Variants in TRPM6 observed in about 807,000 individuals in gnomAD.
TRPM6 encodes channel kinase 2.
A neutral mutation model predicts 247.6 loss-of-function variants in TRPM6; 111 were observed. That is an observed-to-expected ratio of 0.45 (90% confidence interval 0.38 to 0.52). TRPM6 has a LOEUF of 0.52. TRPM6 is among the 20% of genes least tolerant of loss of function. TRPM6 has a pLI of 0.00. For synonymous variants in TRPM6, 892 were observed against 853.8 expected (o/e 1.04, Z -0.78); for missense variants, 2,126 against 2,421.5 (o/e 0.88, Z 2.56).
intron 30 of TRPM6, among the ~76,000 whole-genome samples, chr9:74,750,319 G>A (rs868236592): frequency 2.3e-4 from 35 of 152,194 alleles, no homozygotes; most frequent in African/African-American, 7.7e-4. Flanking sequence ...AAGCAAGACA[G>A]ACTGATTTCT....
At chr9:74,764,070 G>A (rs1826744802) in intron 25 of TRPM6, among the ~76,000 whole-genome samples, 1 of 149,068 alleles carries the variant, frequency 6.7e-6, no homozygotes, top group Non-Finnish European at 1.5e-5. Context: ...GTTGCAGTGA[G>A]CCAAGATCAC....
intron 11 of TRPM6, among the ~76,000 whole-genome samples, 197 bp from the exon 12 acceptor site, chr9:74,812,630 C>T (rs1439718525): frequency 6.6e-6 from 1 of 151,806 alleles, no homozygotes; most frequent in Non-Finnish European, 1.5e-5. Flanking sequence ...TGGCGCACAC[C>T]TGTAATCCTA....
At chr9:74,846,972 C>T (rs1158467766) in intron 3 of TRPM6, among the ~76,000 whole-genome samples, 1 of 152,150 alleles carries the variant, frequency 6.6e-6, no homozygotes, top group African/African-American at 2.4e-5. Context: ...AGTCTACAAA[C>T]CACACATGGC....
At chr9:74,788,021 T>A (rs112548887) in intron 20 of TRPM6, among the ~76,000 whole-genome samples, 206 of 147,556 alleles carry the variant, frequency 1.4e-3, no homozygotes, top group Middle Eastern at 3.5e-3. Flanking sequence ...GGCCCCCTCC[T>A]TTTTTTTTTA....
chr9:74,813,818 C>T (rs1324954334), intron 11 of TRPM6, among the ~76,000 whole-genome samples: 3 of 152,324 alleles, frequency 2.0e-5, no homozygotes, highest in South Asian at 2.1e-4. Context: ...TATTCTGGGC[C>T]GGGCACAGGG....
At chr9:74,860,853 A>G (rs906662852) in intron 1 of TRPM6, among the ~76,000 whole-genome samples, 31 of 152,206 alleles carry the variant, frequency 2.0e-4, no homozygotes, top group African/African-American at 6.7e-4. Context: ...CCCTGTCTCT[A>G]CAAAATACAG....
intron 3 of TRPM6, among the ~76,000 whole-genome samples, chr9:74,851,610 G>A (rs1379357766): frequency 2.0e-5 from 3 of 151,524 alleles, no homozygotes; most frequent in Admixed American, 1.3e-4. Context: ...TTAGCCAGGC[G>A]TGGTGGTGGG....
intron 18 of TRPM6, among the ~76,000 whole-genome samples, chr9:74,793,409 G>T (rs949230409): frequency 6.6e-6 from 1 of 151,964 alleles, no homozygotes; most frequent in Admixed American, 6.6e-5. Context: ...GTGCAATGGC[G>T]TGGTCTCGGC....
rs547032684 is a variant in TRPM6 at position 74,748,027 on chromosome 9, A to G, written c.5058-113T>C. 8.0e-6 allele frequency: 8 copies of G among 1,004,748 alleles called. No homozygotes were observed. The East Asian group carries it at 1.7e-4, about 21-fold the overall frequency. The allele number at this position is 1,004,748 out of a possible 1,614,324, so 62.2% of individuals were successfully genotyped here. On this transcript the variant is annotated intron_variant, in intron 30 of 38. Coordinates refer to ENST00000360774, the MANE Select transcript of TRPM6 (RefSeq NM_017662.5). ...ACAACACAAAGTATATATTTTATAT[A>G]CATGTGAAATACATATACAGTCATG... is the stretch of plus-strand genomic sequence containing the variant.
intron 1 of TRPM6, among the ~76,000 whole-genome samples, chr9:74,866,551 G>A (rs545663613): frequency 1.1e-4 from 17 of 151,940 alleles, no homozygotes; most frequent in South Asian, 4.2e-4. Flanking sequence ...GCGTGATCTC[G>A]GCTCACTGCA....
intron 5 of TRPM6, among the ~76,000 whole-genome samples, 181 bp downstream of exon 5, chr9:74,839,843 A>T (rs1250301989): frequency 2.2e-5 from 3 of 135,920 alleles, no homozygotes; most frequent in African/African-American, 8.2e-5. Context: ...AAAAAGAAAA[A>T]GAGAAGAGAG....
chr9:74,879,303 GTATATGATTTATATA>G (rs996340478), intron 1 of TRPM6, among the ~76,000 whole-genome samples: 6 of 149,950 alleles, frequency 4.0e-5, no homozygotes, highest in African/African-American at 1.5e-4. Context: ...ACATATATTT[GTATATGATTTATATA>G]TATATGATTT....
At chr9:74,747,605 T>C (rs1671948539) in intron 31 of TRPM6, among the ~76,000 whole-genome samples, 1 of 152,006 alleles carries the variant, frequency 6.6e-6, no homozygotes, top group African/African-American at 2.4e-5. Flanking sequence ...ACAGTAAGAG[T>C]TGGTGAGCAA....
chr9:74,793,808 T>C (rs953532855), intron 18 of TRPM6, among the ~76,000 whole-genome samples: 1 of 152,096 alleles, frequency 6.6e-6, no homozygotes, highest in African/African-American at 2.4e-5. Context: ...AGTATTTGTG[T>C]TGTACATGCA....
chr9:74,788,806 C>CAGATGGA, intron 19 of TRPM6, 64 bp from the exon 20 acceptor site: 1 of 1,593,020 alleles, frequency 6.3e-7, no homozygotes, highest in Non-Finnish European at 8.5e-7. Flanking sequence ...GCCAAGGAGA[C>CAGATGGA]GCAGATGGAG....
intron 31 of TRPM6, 118 bp from the exon 32 acceptor site, chr9:74,744,263 T>C (rs1273079455): frequency 1.8e-6 from 2 of 1,131,778 alleles, no homozygotes; most frequent in East Asian, 4.7e-5. Context: ...CTTCTCAGTA[T>C]TCGAAAAAGC....
chr9:74,884,504 T>TATAC (rs4013871), intron 1 of TRPM6, among the ~76,000 whole-genome samples: 70,568 of 147,858 alleles, frequency 0.48, 17,107 homozygotes, highest in Middle Eastern at 0.54. Flanking sequence ...TAAATACATA[T>TATAC]ATACATACAT....
rs1388813249 is a variant in TRPM6, at chr9:74,750,675, A to G, written c.5046T>C (p.Asn1682=). 1 of 1,613,826 alleles carries G rather than the reference A, an allele frequency of 6.2e-7. No individual in the cohort carries two copies. Among genetic ancestry groups the G allele is most frequent in the Admixed American group, 1.7e-5 (1 of 60,010 alleles). ...SLWNSRSTNL[N]RNSLLKSSIG... The stretch of plus-strand genomic sequence containing the variant: ...TTAGAAATACTCACAGGGAGTTCCT[A>G]TTGAGGTTGGTGCTCCTGGAATTCC... Residue 1682 remains asparagine, a synonymous_variant, in exon 30 of 39, where the codon AAT becomes AAC. Coordinates refer to ENST00000360774, the MANE Select transcript of TRPM6 (RefSeq NM_017662.5).
At chr9:74,778,025 A>G (rs1587494753) in intron 23 of TRPM6, among the ~76,000 whole-genome samples, 1 of 152,342 alleles carries the variant, frequency 6.6e-6, no homozygotes, top group African/African-American at 2.4e-5. Flanking sequence ...GCCGCTCAGC[A>G]TGTTCTGATG....
Sources: gnomAD v4.1 joint callset for allele counts (sites outside exome capture counted in the v4.1 genomes callset) on GRCh38, gnomAD v4.1.1 for gene constraint, MANE v1.5 for transcripts, NCBI Gene and HGNC (gene_info 2026-07-23, HGNC 2026-07-21) for gene names.